The following PAPPA2 variants were observed in gnomAD, a reference collection of about 807,000 sequenced individuals.
PAPPA2 encodes the protein pappalysin 2, also known as pappalysin-2.
A neutral mutation model predicts 176.4 loss-of-function variants in PAPPA2; 86 were observed. That is an observed-to-expected ratio of 0.49 (90% CI 0.41 to 0.58). PAPPA2 has a LOEUF of 0.58. Ranked by LOEUF, PAPPA2 falls within the 20% of genes least tolerant of loss-of-function variation. PAPPA2 has a pLI of 0.00. For synonymous variants in PAPPA2, 809 were observed against 852.2 expected, an observed-to-expected ratio of 0.95 and a Z score of 0.88; for missense variants, 2,073 against 2,256.9, an observed-to-expected ratio of 0.92 and a Z score of 1.65.
At chr1:176,634,726 A>G (rs941207730) in intron 3 of PAPPA2, among the ~76,000 whole-genome samples, 2 of 151,944 alleles carry the variant, frequency 1.3e-5, no homozygotes, top group African/African-American at 4.8e-5. Flanking sequence ...CTGGGAAAAG[A>G]TAAATTCTAG....
rs1382741689 is a variant in PAPPA2, at chr1:176,671,057, G to A, written c.2079G>A (p.Arg693=). The A allele has an allele frequency of 6.2e-7, 1 of 1,614,018 alleles. No homozygotes were observed. The highest frequency in any genetic ancestry group is 1.3e-5 in the African/African-American group (1 of 75,038). The change falls in exon 4 of 23, where the codon CGG becomes CGA. Residue 693 remains arginine, a synonymous_variant. Coordinates refer to ENST00000367662, the MANE Select transcript of PAPPA2 (RefSeq NM_020318.3). The part of the protein sequence containing the change: ...FLNIYFASSV[R]EDLAGAATWP... The stretch of plus-strand genomic sequence containing the variant: ...ACATCTACTTTGCCAGCTCAGTGCG[G>A]GAAGACCTTGCAGGTGCTGCCACCT...
intron 21 of PAPPA2, among the ~76,000 whole-genome samples, chr1:176,839,480 C>T (rs1156523308): frequency 6.6e-6 from 1 of 152,106 alleles, no homozygotes; most frequent in Non-Finnish European, 1.5e-5. Flanking sequence ...AACCCTGTAT[C>T]TAGTTTCTGT....
chr1:176,820,850 C>A (rs1339779171), intron 21 of PAPPA2, among the ~76,000 whole-genome samples: 2 of 152,048 alleles, frequency 1.3e-5, no homozygotes, highest in Non-Finnish European at 1.5e-5. Flanking sequence ...CCACAACAAC[C>A]CCCAAAGGAA....
chr1:176,779,112 T>C (rs894785565), intron 17 of PAPPA2, among the ~76,000 whole-genome samples: 2 of 152,192 alleles, frequency 1.3e-5, no homozygotes, highest in Admixed American at 1.3e-4. Context: ...AGCATCATAT[T>C]GTAAAACTTT....
At chr1:176,602,332 G>T (rs555864782) in intron 3 of PAPPA2, among the ~76,000 whole-genome samples, 1 of 152,296 alleles carries the variant, frequency 6.6e-6, no homozygotes, top group East Asian at 1.9e-4. Flanking sequence ...GAGGGTGGCT[G>T]GGAATTGTCC....
At chr1:176,690,819 T>A (rs918796215) in intron 5 of PAPPA2, 2 of 1,014,746 alleles carry the variant, frequency 2.0e-6, no homozygotes, top group Admixed American at 1.1e-4. Flanking sequence ...GAAAAGAGTT[T>A]ATGGGTCAAG....
intron 7 of PAPPA2, among the ~76,000 whole-genome samples, chr1:176,697,535 T>A (rs528472878): frequency 6.6e-6 from 1 of 152,314 alleles, no homozygotes; most frequent in East Asian, 1.9e-4. Context: ...CACAAACACA[T>A]GTATTTATAA....
chr1:176,527,145 G>C (rs562500536), intron 1 of PAPPA2, among the ~76,000 whole-genome samples: 8 of 152,264 alleles, frequency 5.3e-5, no homozygotes, highest in African/African-American at 1.9e-4. Flanking sequence ...AGAGTCTTTA[G>C]AAATGCAGCA....
intron 1 of PAPPA2, chr1:176,553,763 T>TG (rs1259422236): frequency 1.3e-5 from 2 of 151,738 alleles, no homozygotes; most frequent in East Asian, 3.9e-4. Context: ...CTGAGGGTTA[T>TG]GGGGTGGCAT....
intron 1 of PAPPA2, among the ~76,000 whole-genome samples, chr1:176,479,003 C>T (rs973781683): frequency 2.0e-5 from 3 of 152,178 alleles, no homozygotes; most frequent in Non-Finnish European, 4.4e-5. Context: ...AGTATCTTTA[C>T]ATTAATCCAT....
At chr1:176,777,319 G>T (rs1252668898) in intron 17 of PAPPA2, among the ~76,000 whole-genome samples, 1 of 152,124 alleles carries the variant, frequency 6.6e-6, no homozygotes, top group Non-Finnish European at 1.5e-5. Flanking sequence ...AGTAATACTT[G>T]GTGAACTTTT....
At chr1:176,793,238 G>T (rs1267041252) in intron 19 of PAPPA2, among the ~76,000 whole-genome samples, 1 of 152,144 alleles carries the variant, frequency 6.6e-6, no homozygotes, top group African/African-American at 2.4e-5. Flanking sequence ...TTGGAGGCCA[G>T]CTGGGCCAAG....
In PAPPA2 at chr1:176,755,880, C is replaced by T. The variant is rs530608687; in HGVS notation, c.4152-9786C>T. ...CATATTTGATATATCAAACATATTA[C>T]ATACTCTATTCTTATAATATTGTAA... On this transcript the variant is annotated intron_variant, in intron 14 of 22. Coordinates refer to ENST00000367662, the MANE Select transcript of PAPPA2 (RefSeq NM_020318.3). Among the ~76,000 whole-genome samples, 8 of 152,290 alleles carry T rather than the reference C, an allele frequency of 5.3e-5. No individual in the cohort carries two copies. The South Asian group carries it at 1.7e-3, about 32-fold the overall frequency.
At chr1:176,809,068 T>C (rs1249220259) in intron 21 of PAPPA2, among the ~76,000 whole-genome samples, 6 of 152,198 alleles carry the variant, frequency 3.9e-5, no homozygotes, top group Non-Finnish European at 8.8e-5. Context: ...GGCATATTAG[T>C]CTTTGGAGAG....
chr1:176,658,842 T>A (rs944662867), intron 3 of PAPPA2, among the ~76,000 whole-genome samples: 1 of 151,998 alleles, frequency 6.6e-6, no homozygotes, highest in African/African-American at 2.4e-5. Context: ...AGTTTTGATG[T>A]TGTACAGGGT....
intron 1 of PAPPA2, among the ~76,000 whole-genome samples, chr1:176,488,702 T>C (rs1255337784): frequency 6.6e-6 from 1 of 152,232 alleles, no homozygotes; most frequent in East Asian, 1.9e-4. Context: ...AACATGGTTG[T>C]TCATGGGCTT....
chr1:176,731,738 C>CACATAT (rs1558548917), intron 12 of PAPPA2, among the ~76,000 whole-genome samples: 48 of 149,264 alleles, frequency 3.2e-4, no homozygotes, highest in African/African-American at 1.1e-3. Flanking sequence ...TGTACATATA[C>CACATAT]ATGCGTACAT....
At chr1:176,465,557 A>T (rs151260539) in intron 1 of PAPPA2, among the ~76,000 whole-genome samples, 4 of 152,030 alleles carry the variant, frequency 2.6e-5, no homozygotes, top group Non-Finnish European at 4.4e-5. Flanking sequence ...TTTAATTCAT[A>T]CTTCAATATT....
At chr1:176,747,930 T>C (rs1662982097) in intron 14 of PAPPA2, among the ~76,000 whole-genome samples, 1 of 152,238 alleles carries the variant, frequency 6.6e-6, no homozygotes, top group South Asian at 2.1e-4. Flanking sequence ...CTTACTTCCT[T>C]GCCACATAGT....
Sources: allele counts gnomAD v4.1 joint callset (sites outside exome capture counted in the v4.1 genomes callset), GRCh38; gene constraint gnomAD v4.1.1; transcripts MANE v1.5; gene names NCBI Gene and HGNC (gene_info 2026-07-23, HGNC 2026-07-21).